Variants in GLIS1 observed in about 807,000 individuals in gnomAD.
GLIS1 encodes the protein zinc finger protein GLIS1.
In GLIS1, 24 loss-of-function variants were observed where a neutral mutation model predicts 63.8. That is an observed-to-expected ratio of 0.38 (90% CI 0.27 to 0.53). GLIS1 has a LOEUF of 0.53. Among genes scored for constraint, GLIS1 ranks in the 20% least tolerant of loss-of-function variants. GLIS1 has a pLI of 0.85. For missense variants in GLIS1, 1,036 were observed against 1,074.1 expected, an observed-to-expected ratio of 0.96 and a Z score of 0.50; for synonymous variants, 450 against 482.5, an observed-to-expected ratio of 0.93 and a Z score of 0.88.
intron 2 of GLIS1, among the ~76,000 whole-genome samples, chr1:53,659,655 T>C (rs1358733877): frequency 6.6e-6 from 1 of 152,198 alleles, no homozygotes; most frequent in Non-Finnish European, 1.5e-5. Context: ...CACTCACTGA[T>C]GCTGAATACT....
intron 2 of GLIS1, among the ~76,000 whole-genome samples, chr1:53,643,117 G>A (rs1645805007): frequency 6.6e-6 from 1 of 152,130 alleles, no homozygotes; most frequent in Non-Finnish European, 1.5e-5. Flanking sequence ...AACCACCAAG[G>A]TCTGTTGTGA....
At chr1:53,672,458 C>G (rs1557514317) in intron 2 of GLIS1, among the ~76,000 whole-genome samples, 1 of 152,256 alleles carries the variant, frequency 6.6e-6, no homozygotes, top group African/African-American at 2.4e-5. Context: ...GCCCCAAGAT[C>G]ACCTACTCTG....
At chr1:53,725,381 A>C (rs1646795219) in intron 2 of GLIS1, among the ~76,000 whole-genome samples, 1 of 152,124 alleles carries the variant, frequency 6.6e-6, no homozygotes, top group African/African-American at 2.4e-5. Flanking sequence ...TACCTCACTG[A>C]TTCTCATGCT....
Position 53,509,245 on chromosome 1 carries a change from T to C in GLIS1, c.2105A>G (p.Tyr702Cys). Reference protein sequence around the residue: ...SFHSIQSCFPYGDCYRMAEPA... With the variant: ...SFHSIQSCFPCGDCYRMAEPA... ...TTCAGCCATCCGGTAGCAGTCGCCA[T>C]AGGGGAAGCAACTCTGGATGGAGTG... The change falls in exon 10 of 11, where the codon TAT becomes TGT. Residue 702 changes from tyrosine (Y) to cysteine (C), a missense_variant. Physicochemically the swap from Tyr to Cys is radical, Grantham distance 194 (BLOSUM62 -2). This residue lies in a region of GLIS1 where 400 missense variants were observed against 400.9 expected (regional missense o/e 1.00). Coordinates refer to ENST00000628545, the MANE Select transcript of GLIS1 (RefSeq NM_001367484.1). The C allele has an allele frequency of 6.3e-7, 1 of 1,595,412 alleles. No homozygotes were observed. The highest frequency in any genetic ancestry group is 8.5e-7 in the Non-Finnish European group (1 of 1,171,128).
chr1:53,583,300 C>A (rs147802042), intron 4 of GLIS1, among the ~76,000 whole-genome samples: 2,701 of 152,334 alleles, frequency 0.018, 77 homozygotes, highest in African/African-American at 0.062. Context: ...CAGGGCCCTG[C>A]CCAGGGCCTG....
chr1:53,632,697 AG>A (rs1187676451), intron 2 of GLIS1, among the ~76,000 whole-genome samples: 4 of 119,804 alleles, frequency 3.3e-5, no homozygotes, highest in Non-Finnish European at 6.9e-5. Flanking sequence ...AATGAGACTG[AG>A]GGGTGTGAAT....
intron 2 of GLIS1, among the ~76,000 whole-genome samples, chr1:53,666,604 G>C (rs1646093710): frequency 6.6e-6 from 1 of 152,072 alleles, no homozygotes; most frequent in African/African-American, 2.4e-5. Context: ...GCCCACTCTT[G>C]GGGATCCAAA....
At chr1:53,597,204 A>C (rs1372167070) in intron 3 of GLIS1, among the ~76,000 whole-genome samples, 8 of 146,914 alleles carry the variant, frequency 5.4e-5, no homozygotes, top group Non-Finnish European at 6.0e-5. Flanking sequence ...AAAAAAAAAA[A>C]AAAAAAACAC....
intron 2 of GLIS1, among the ~76,000 whole-genome samples, chr1:53,709,409 T>TACACACACAC (rs1288574790): frequency 5.5e-4 from 5 of 9,172 alleles, no homozygotes; most frequent in African/African-American, 8.4e-4. Context: ...TACATATATA[T>TACACACACAC]ATACACACAC....
At chr1:53,729,790 T>A (rs1050236209) in intron 2 of GLIS1, among the ~76,000 whole-genome samples, 1 of 152,130 alleles carries the variant, frequency 6.6e-6, no homozygotes, top group Non-Finnish European at 1.5e-5. Context: ...TTAAACTTAT[T>A]ATAGGAAAAA....
chr1:53,732,986 A>G (rs1021923513), intron 2 of GLIS1, among the ~76,000 whole-genome samples: 2 of 152,114 alleles, frequency 1.3e-5, no homozygotes, highest in African/African-American at 4.8e-5. Context: ...AATAAAGTTT[A>G]TTTGTTTGTT....
chr1:53,634,731 G>A (rs1645705024), intron 2 of GLIS1, among the ~76,000 whole-genome samples: 1 of 152,190 alleles, frequency 6.6e-6, no homozygotes, highest in African/African-American at 2.4e-5. Flanking sequence ...AGCTTCCACA[G>A]TAGCAAGCAC....
chr1:53,716,415 T>C (rs1243600303), intron 2 of GLIS1, among the ~76,000 whole-genome samples: 1 of 152,042 alleles, frequency 6.6e-6, no homozygotes, highest in Non-Finnish European at 1.5e-5. Context: ...AGATCTGACA[T>C]CCTCGTATGG....
At chr1:53,694,464 C>T (rs1209725742) in intron 2 of GLIS1, among the ~76,000 whole-genome samples, 4 of 152,222 alleles carry the variant, frequency 2.6e-5, no homozygotes, top group Admixed American at 2.6e-4. Context: ...CACCCAGTGT[C>T]CCTGCTGGCC....
chr1:53,571,922 A>C (rs989500489), intron 4 of GLIS1, among the ~76,000 whole-genome samples: 4 of 152,206 alleles, frequency 2.6e-5, no homozygotes, highest in African/African-American at 9.7e-5. Context: ...TGCAGAGACC[A>C]CATACAGTAT....
At chr1:53,628,246 G>C (rs1645616422) in intron 2 of GLIS1, among the ~76,000 whole-genome samples, 1 of 152,170 alleles carries the variant, frequency 6.6e-6, no homozygotes, top group Non-Finnish European at 1.5e-5. Context: ...TCTCAATAGT[G>C]TGCCCCAGAT....
In GLIS1 at chr1:53,594,090, C is replaced by A. The variant is rs200301349; in HGVS notation, c.1320+18G>T. Reference sequence around the variant, plus strand: ...CCAGAGGGGCTGGGGTGAGGCCTGGCGGCCGGTGGGAACTCACCATGCACT... The same window carrying A: ...CCAGAGGGGCTGGGGTGAGGCCTGGAGGCCGGTGGGAACTCACCATGCACT... On this transcript the variant is annotated intron_variant, in intron 4 of 10. Coordinates refer to ENST00000628545, the MANE Select transcript of GLIS1 (RefSeq NM_001367484.1). 214 of 1,584,952 alleles carry A rather than the reference C, an allele frequency of 1.4e-4. 1 individual carries two copies. In the East Asian group the frequency reaches 3.9e-3, roughly 29 times the overall value.
At chr1:53,533,744 C>T (rs1557436456) in intron 4 of GLIS1, among the ~76,000 whole-genome samples, 1 of 151,054 alleles carries the variant, frequency 6.6e-6, no homozygotes, top group East Asian at 1.9e-4. Flanking sequence ...TGGGATCTGC[C>T]TGCAGCTGGC....
At chr1:53,636,543 G>A (rs1018860746) in intron 2 of GLIS1, among the ~76,000 whole-genome samples, 14 of 152,204 alleles carry the variant, frequency 9.2e-5, no homozygotes, top group African/African-American at 2.4e-4. Flanking sequence ...GAAGCAAGAC[G>A]TCTGCCATCA....
Sources: gnomAD v4.1 joint callset for allele counts (sites outside exome capture counted in the v4.1 genomes callset) on GRCh38, gnomAD v4.1.1 for gene constraint, gnomAD v4.1.1 regional missense constraint, MANE v1.5 for transcripts, NCBI Gene and HGNC (gene_info 2026-07-23, HGNC 2026-07-21) for gene names.